Variants in DNAJC10 observed in about 807,000 individuals in gnomAD.
DNAJC10 encodes the protein endoplasmic reticulum disulfide reductase DNAJC10.
A neutral mutation model predicts 115.0 loss-of-function variants in DNAJC10; 101 were observed. The ratio of observed to expected loss-of-function variants is 0.88; its 90% confidence interval spans 0.75 to 1.04. DNAJC10 has a LOEUF of 1.04. Ranked by LOEUF, DNAJC10 falls within the 50% of genes least tolerant of loss-of-function variation. The pLI is 0.00. For missense variants in DNAJC10, 981 were observed against 928.8 expected, an observed-to-expected ratio of 1.06 and a Z score of -0.73; for synonymous variants, 307 against 301.5, an observed-to-expected ratio of 1.02 and a Z score of -0.19.
chr2:182,747,992 T>C, intron 14 of DNAJC10, among the ~76,000 whole-genome samples: 1 of 149,110 alleles, frequency 6.7e-6, no homozygotes, highest in Non-Finnish European at 1.5e-5. Flanking sequence ...GATAATCATG[T>C]GGTTTTTGTC....
At chr2:182,738,275 T>C (rs1693636366) in intron 11 of DNAJC10, among the ~76,000 whole-genome samples, 1 of 152,178 alleles carries the variant, frequency 6.6e-6, no homozygotes. Flanking sequence ...ATTGTGGCCA[T>C]TTTAAACTCA....
At chr2:182,736,961 G>A in intron 11 of DNAJC10, among the ~76,000 whole-genome samples, 1 of 152,124 alleles carries the variant, frequency 6.6e-6, no homozygotes, top group Non-Finnish European at 1.5e-5. Context: ...TGTTGGCCAG[G>A]CTGGTCTTGA....
intron 5 of DNAJC10, among the ~76,000 whole-genome samples, chr2:182,728,086 A>ATTTTTTTTTTTTTTT (rs1693336977): frequency 6.6e-6 from 1 of 152,176 alleles, no homozygotes; most frequent in African/African-American, 2.4e-5. Flanking sequence ...TAGGTCTCTT[A>ATTTTTTTTTTTTTTT]TTTTATTCTT....
rs1693581501 is a variant in DNAJC10 at position 182,736,240 on chromosome 2, C to T, written c.850-9C>T. 1.3e-6 allele frequency: 2 copies of T among 1,551,188 alleles called. No homozygotes were observed. Among genetic ancestry groups the T allele is most frequent in the East Asian group, 2.5e-5 (1 of 39,676 alleles). On this transcript the variant is annotated splice_polypyrimidine_tract_variant and intron_variant, in intron 10 of 23. Coordinates refer to ENST00000264065, the MANE Select transcript of DNAJC10 (RefSeq NM_018981.4). ...TTACAACATGGTTTGTTGTTTCTTTCCATTTTAGGATGGTCTTGTTAATGT... is the reference window on the plus strand; with the variant it reads ...TTACAACATGGTTTGTTGTTTCTTTTCATTTTAGGATGGTCTTGTTAATGT...
At chr2:182,719,332 C>T (rs1693085053) in intron 3 of DNAJC10, among the ~76,000 whole-genome samples, 1 of 145,312 alleles carries the variant, frequency 6.9e-6, no homozygotes, top group East Asian at 2.0e-4. Flanking sequence ...CGGCTTCCTG[C>T]AACTTCTGCA....
intron 22 of DNAJC10, among the ~76,000 whole-genome samples, chr2:182,774,836 C>G (rs1328588585): frequency 6.6e-6 from 1 of 152,242 alleles, no homozygotes; most frequent in African/African-American, 2.4e-5. Flanking sequence ...AATCCCCGCC[C>G]TGGCGTCTTC....
At position 182,758,364 on chromosome 2, in the gene DNAJC10, T is replaced by G. The variant is rs531584337; in HGVS notation, c.1944-473T>G. Among the ~76,000 whole-genome samples, 3 of 152,280 alleles carry G rather than the reference T, an allele frequency of 2.0e-5. No homozygotes were observed. The East Asian group carries it at 5.8e-4, about 29-fold the overall frequency. On this transcript the variant is annotated intron_variant, in intron 19 of 23. Coordinates refer to ENST00000264065, the MANE Select transcript of DNAJC10 (RefSeq NM_018981.4). The stretch of plus-strand genomic sequence containing the variant: ...GTATTTCAGGTAGAAAACTCAAATG[T>G]AAGGTACATATGATGAATGTTATTA...
intron 5 of DNAJC10, among the ~76,000 whole-genome samples, chr2:182,723,993 C>T (rs146575906): frequency 6.6e-6 from 1 of 152,226 alleles, no homozygotes; most frequent in African/African-American, 2.4e-5. Flanking sequence ...TTCTGCTAAG[C>T]AGATGTTATC....
chr2:182,777,949 G>C lies in DNAJC10; in HGVS notation c.*817G>C, dbSNP rs1694751815. Reference sequence around the variant, plus strand: ...GGAAAAAAATTATAGCAATTAACTGGGCATTGTAGAGTATCCTAAATATGT... The same window carrying C: ...GGAAAAAAATTATAGCAATTAACTGCGCATTGTAGAGTATCCTAAATATGT... On this transcript the variant is annotated 3_prime_UTR_variant, in exon 24 of 24. Transcript: ENST00000264065. 1 of 151,980 alleles carries C rather than the reference G, an allele frequency of 6.6e-6. No homozygotes were observed. The highest frequency in any genetic ancestry group is 1.5e-5 in the Non-Finnish European group (1 of 67,976). The allele number at this position is 151,980 out of a possible 1,614,324, so 9.4% of individuals were successfully genotyped here. A position where few individuals can be genotyped will look rare whatever the true frequency, so the allele number is the denominator to read the frequency against.
In DNAJC10 at chr2:182,777,158, T is replaced by C; in HGVS notation, c.*26T>C. ...TAATGTTGAAGATGAAGAAAAAGTTTAAAAGAAATTCTGACAGATGACATC... is the reference window on the plus strand; with the variant it reads ...TAATGTTGAAGATGAAGAAAAAGTTCAAAAGAAATTCTGACAGATGACATC... On this transcript the variant is annotated 3_prime_UTR_variant, in exon 24 of 24. Coordinates refer to ENST00000264065, the MANE Select transcript of DNAJC10 (RefSeq NM_018981.4). 7.4e-7 allele frequency: 1 copy of C among 1,358,016 alleles called. No homozygotes were observed. The highest frequency in any genetic ancestry group is 2.3e-5 in the Admixed American group (1 of 43,092). The allele number at this position is 1,358,016 out of a possible 1,614,324, so 84.1% of individuals were successfully genotyped here.
At chr2:182,761,961 TA>T (rs1052877776) in intron 21 of DNAJC10, among the ~76,000 whole-genome samples, 3 of 151,626 alleles carry the variant, frequency 2.0e-5, no homozygotes, top group East Asian at 3.9e-4. Context: ...TGATAAATGC[TA>T]AAAAAGAAAG....
rs1243509427 is a variant in DNAJC10 at position 182,783,753 on chromosome 2, T to C, written c.*6621T>C. ...ATTTTTCAGACTTGGAACAGCAGTA[T>C]CTCATGTTTTACTATAAAAACTTGG... On this transcript the variant is annotated 3_prime_UTR_variant, in exon 24 of 24. Coordinates refer to ENST00000264065, the MANE Select transcript of DNAJC10 (RefSeq NM_018981.4). The C allele has an allele frequency of 6.6e-6, 1 of 152,158 alleles. No individual in the cohort carries two copies. The highest frequency in any genetic ancestry group is 1.5e-5 in the Non-Finnish European group (1 of 68,032). 9.4% of individuals were successfully genotyped at this position (152,158 alleles called of 1,614,324 possible).
rs1227707383 is a variant in DNAJC10 at position 182,755,075 on chromosome 2, T to A, written c.1624T>A (p.Ser542Thr). ...CATTCATGAGTATGAAGGACATCACTCTGCTGAACAAATCTTGGAGTTCAT... is the reference window on the plus strand; with the variant it reads ...CATTCATGAGTATGAAGGACATCACACTGCTGAACAAATCTTGGAGTTCAT... ...SNIHEYEGHH[S>T]AEQILEFIED... The change falls in exon 17 of 24, where the codon TCT becomes ACT. Residue 542 changes from serine to threonine, a missense_variant. Coordinates refer to ENST00000264065, the MANE Select transcript of DNAJC10 (RefSeq NM_018981.4). The A allele has an allele frequency of 6.2e-7, 1 of 1,607,234 alleles. No homozygotes were observed. The highest frequency in any genetic ancestry group is 8.5e-7 in the Non-Finnish European group (1 of 1,174,074).
rs1694678342 is a variant in DNAJC10 at position 182,775,352 on chromosome 2, G to A, written c.2302G>A (p.Ala768Thr). Residue 768 changes from alanine to threonine, a missense_variant, in exon 23 of 24, where the codon GCA becomes ACA. Physicochemically the swap from Ala to Thr is moderately conservative, Grantham distance 58 (BLOSUM62 0). Transcript: ENST00000264065. ...AGAAGAGCAGATAAATACCAGAGAT[G>A]CAAAAGCAATCGCTGCCTTAATAAG... ...FQEEQINTRDAKAIAALISEK... is the reference protein window; with the variant it reads ...FQEEQINTRDTKAIAALISEK... 2.5e-6 allele frequency: 4 copies of A among 1,612,848 alleles called. No homozygotes were observed. Among genetic ancestry groups the A allele is most frequent in the Non-Finnish European group, 3.4e-6 (4 of 1,179,254 alleles).
chr2:182,755,380 C>T (rs1037964942), intron 17 of DNAJC10, among the ~76,000 whole-genome samples: 1 of 149,974 alleles, frequency 6.7e-6, no homozygotes, highest in Middle Eastern at 3.6e-3. Flanking sequence ...GTATTTTCAC[C>T]TTGTCACCCC....
rs116835474 is a variant in DNAJC10 at position 182,727,382 on chromosome 2, T to C, written c.419-1194T>C. 3.5e-3 allele frequency among the ~76,000 whole-genome samples: 536 copies of C among 152,378 alleles called. 1 individual carries two copies. Among genetic ancestry groups the C allele is most frequent in the African/African-American group, 0.012 (514 of 41,596 alleles). On this transcript the variant is annotated intron_variant, in intron 5 of 23. Transcript: ENST00000264065. ...AAATAACTACCTCATTACTTGTTTA[T>C]AGCTGATAAGATAATCCCTTCTTTC...
chr2:182,774,819 C>G (rs900172993), intron 22 of DNAJC10, among the ~76,000 whole-genome samples: 1 of 19,814 alleles, frequency 5.0e-5, no homozygotes, highest in African/African-American at 2.8e-4. Flanking sequence ...GAGACAACAC[C>G]CCCCCCAATC....
chr2:182,720,574 C>T (rs1693125195), intron 4 of DNAJC10, among the ~76,000 whole-genome samples: 1 of 152,070 alleles, frequency 6.6e-6, no homozygotes, highest in African/African-American at 2.4e-5. Context: ...TGGTATTCAG[C>T]AGTAACATGC....
chr2:182,747,390 A>G (rs1369473145), intron 14 of DNAJC10, among the ~76,000 whole-genome samples: 3 of 151,434 alleles, frequency 2.0e-5, no homozygotes, highest in Non-Finnish European at 2.9e-5. Context: ...ATTTGTTTGT[A>G]TCCTCTTTTA....
Sources: allele counts gnomAD v4.1 joint callset (sites outside exome capture counted in the v4.1 genomes callset), GRCh38; gene constraint gnomAD v4.1.1; transcripts MANE v1.5; gene names NCBI Gene and HGNC (gene_info 2026-07-23, HGNC 2026-07-21).